Variants in PEMT observed in about 807,000 individuals in gnomAD.
PEMT encodes phosphatidylethanolamine N-methyltransferase, also known as phospholipid methyltransferase.
In PEMT, 23 loss-of-function variants were observed where a neutral mutation model predicts 27.4. The ratio of observed to expected loss-of-function variants is 0.84; its 90% confidence interval spans 0.60 to 1.19. The LOEUF (loss-of-function observed/expected upper bound fraction) is 1.19. Among genes scored for constraint, PEMT ranks in the 50% most tolerant of loss-of-function variants. PEMT has a pLI of 0.00. For missense variants in PEMT, 307 were observed against 310.1 expected (o/e 0.99, Z 0.07); for synonymous variants, 137 against 139.1 (o/e 0.98, Z 0.11).
At position 17,517,991 on chromosome 17, in the gene PEMT, T is replaced by A. The variant is rs920119248; in HGVS notation, c.320+4289A>T. 22 of 985,424 alleles carry A rather than the reference T, an allele frequency of 2.2e-5. No homozygotes were observed. The South Asian group carries it at 9.4e-4, about 42-fold the overall frequency. The allele number at this position is 985,424 out of a possible 1,614,324, so 61.0% of individuals were successfully genotyped here. ...GGGAATACCTCCAGGTTGAGGAAGA[T>A]TCCTGATCGACAGCCACACTCCGAG... is the stretch of plus-strand genomic sequence containing the variant. On this transcript the variant is annotated intron_variant, in intron 3 of 6. Coordinates refer to ENST00000255389, the MANE Select transcript of PEMT (RefSeq NM_148172.3).
At chr17:17,569,148 C>A (rs1056368691) in intron 2 of PEMT, among the ~76,000 whole-genome samples, 4 of 152,208 alleles carry the variant, frequency 2.6e-5, no homozygotes, top group African/African-American at 9.7e-5. Flanking sequence ...AAGTCCCCGG[C>A]CAGAGGGACA....
At position 17,584,195 on chromosome 17, in the gene PEMT, T is replaced by C. The variant is rs559878417; in HGVS notation, c.97-7168A>G. 1.4e-3 allele frequency among the ~76,000 whole-genome samples: 217 copies of C among 152,230 alleles called. 1 individual carries two copies. The highest frequency in any genetic ancestry group is 2.3e-3 in the Non-Finnish European group (158 of 68,002). On this transcript the variant is annotated intron_variant, in intron 1 of 6. Transcript: ENST00000255389. Reference sequence around the variant, plus strand: ...TTTTTTTTGAGATGGAGTCTCACTCTATCACCCAGGCTGGAGTACAGTGGC... The same window carrying C: ...TTTTTTTTGAGATGGAGTCTCACTCCATCACCCAGGCTGGAGTACAGTGGC...
rs574530200 is a variant in PEMT at position 17,559,241 on chromosome 17, G to A, written c.204+17679C>T. On this transcript the variant is annotated intron_variant, in intron 2 of 6. Coordinates refer to ENST00000255389, the MANE Select transcript of PEMT (RefSeq NM_148172.3). The stretch of plus-strand genomic sequence containing the variant: ...AGGACTTCAGAAAAGGGGACCCTGG[G>A]GAGGGCTGGAGGCAGTGGGGTCTGA... 2.0e-5 allele frequency among the ~76,000 whole-genome samples: 3 copies of A among 152,358 alleles called. No individual in the cohort carries two copies. In the South Asian group the frequency reaches 6.2e-4, roughly 32 times the overall value.
Position 17,512,511 on chromosome 17 carries a change from A to G in PEMT, c.464T>C (p.Leu155Pro). ...CACCCCAGCCCTCAGGGTCTTACCT[A>G]GGAAAGTTCCAGCGAACCCCAGTGC... Reference protein sequence around the residue: ...FFALGFAGTFLGDYFGILKEA... With the variant: ...FFALGFAGTFPGDYFGILKEA... Residue 155 changes from leucine to proline, a missense_variant and splice_region_variant, in exon 4 of 7, where the codon CTA becomes CCA. Leu to Pro is a moderately conservative substitution (Grantham distance 98). Transcript: ENST00000255389. The surrounding 1 kb of genome is among the most constrained non-coding windows in gnomAD (Gnocchi z 6.3). The G allele has an allele frequency of 6.3e-7, 1 of 1,596,604 alleles. No individual in the cohort carries two copies. The highest frequency in any genetic ancestry group is 8.5e-7 in the Non-Finnish European group (1 of 1,170,484).
In PEMT at chr17:17,512,707, G is replaced by A. The variant is rs1906513092; in HGVS notation, c.321-53C>T. On this transcript the variant is annotated intron_variant, in intron 3 of 6. Transcript: ENST00000255389. This position sits in a 1 kb window ranked among gnomAD's most constrained non-coding sequence, Gnocchi z 6.3. ...CGTCATGGCCAGGGAGGATGTCACAGCCCGGGAGGAGGCCGACCTCATCTT... is the reference window on the plus strand; with the variant it reads ...CGTCATGGCCAGGGAGGATGTCACAACCCGGGAGGAGGCCGACCTCATCTT... 4.2e-6 allele frequency: 6 copies of A among 1,441,062 alleles called. No homozygotes were observed. In the South Asian group the frequency reaches 9.1e-5, roughly 22 times the overall value. The allele number at this position is 1,441,062 out of a possible 1,614,324, so 89.3% of individuals were successfully genotyped here.
chr17:17,521,009 T>C (rs1177846654), intron 3 of PEMT, among the ~76,000 whole-genome samples: 1 of 152,236 alleles, frequency 6.6e-6, no homozygotes, highest in Non-Finnish European at 1.5e-5. Flanking sequence ...CGTGCTGGCA[T>C]GGAGCATTCG....
chr17:17,541,338 C>T (rs1474545590), intron 2 of PEMT, among the ~76,000 whole-genome samples: 2 of 151,654 alleles, frequency 1.3e-5, no homozygotes, highest in Non-Finnish European at 2.9e-5. Context: ...GCTCTTTCAG[C>T]TCCTCCAGCT....
At chr17:17,521,058 G>C (rs961279682) in intron 3 of PEMT, among the ~76,000 whole-genome samples, 12 of 152,256 alleles carry the variant, frequency 7.9e-5, no homozygotes, top group African/African-American at 2.4e-4. Context: ...CTGCAAGCCA[G>C]GCTGGTCCGA....
At chr17:17,532,075 A>G (rs1402984447) in intron 2 of PEMT, among the ~76,000 whole-genome samples, 1 of 152,212 alleles carries the variant, frequency 6.6e-6, no homozygotes, top group Non-Finnish European at 1.5e-5. Context: ...GAAAAACCCA[A>G]AGCTAACATC....
At chr17:17,580,765 A>G (rs1226133565) in intron 1 of PEMT, among the ~76,000 whole-genome samples, 1 of 150,958 alleles carries the variant, frequency 6.6e-6, no homozygotes, top group Non-Finnish European at 1.5e-5. Flanking sequence ...TCCCATTACC[A>G]ATCCTCCCGT....
chr17:17,526,455 G>A (rs576034014), intron 2 of PEMT, among the ~76,000 whole-genome samples: 14 of 152,312 alleles, frequency 9.2e-5, no homozygotes, highest in African/African-American at 2.2e-4. Flanking sequence ...CCCGATCCCC[G>A]GCCAGCGTGG....
At position 17,512,106 on chromosome 17, in the gene PEMT, G is replaced by A. The variant is rs968404389; in HGVS notation, c.466+403C>T. 1.1e-4 allele frequency among the ~76,000 whole-genome samples: 17 copies of A among 152,160 alleles called. No individual in the cohort carries two copies. Among genetic ancestry groups the A allele is most frequent in the African/African-American group, 2.4e-4 (10 of 41,432 alleles). ...ACGCGTGCCGGGAGCTGCCAGAGAG[G>A]TGGCTGACTCACCACCACCTCAGGC... is the stretch of plus-strand genomic sequence containing the variant. On this transcript the variant is annotated intron_variant, in intron 4 of 6. Coordinates refer to ENST00000255389, the MANE Select transcript of PEMT (RefSeq NM_148172.3). The surrounding 1 kb of genome is among the most constrained non-coding windows in gnomAD (Gnocchi z 6.3).
In PEMT at chr17:17,576,901, T is replaced by C. The variant is rs374580270; in HGVS notation, c.204+19A>G. The C allele has an allele frequency of 6.3e-7, 1 of 1,591,504 alleles. No individual in the cohort carries two copies. The highest frequency in any genetic ancestry group is 8.6e-7 in the Non-Finnish European group (1 of 1,159,602). ...CAGTGAGATACTCCCGTCTGGACAG[T>C]GTCAGGCACATCACTTACCACATTC... is the stretch of plus-strand genomic sequence containing the variant. On this transcript the variant is annotated intron_variant, in intron 2 of 6. Transcript: ENST00000255389.
intron 3 of PEMT, among the ~76,000 whole-genome samples, chr17:17,515,592 C>T (rs571516933): frequency 4.9e-4 from 74 of 152,304 alleles, no homozygotes; most frequent in Admixed American, 1.2e-3. Flanking sequence ...TGGCCCCTTA[C>T]CCAGTCAAAT....
At chr17:17,556,235 C>T (rs939830591) in intron 2 of PEMT, among the ~76,000 whole-genome samples, 22 of 152,242 alleles carry the variant, frequency 1.4e-4, no homozygotes, top group African/African-American at 5.3e-4. Context: ...TCAGAGCAGC[C>T]CTGCGAGGCA....
chr17:17,519,745 G>A (rs941543581), intron 3 of PEMT, among the ~76,000 whole-genome samples: 1 of 152,252 alleles, frequency 6.6e-6, no homozygotes, highest in Non-Finnish European at 1.5e-5. Flanking sequence ...AGGTGATGGG[G>A]AGGACTCAAG....
At chr17:17,589,488 T>A (rs1467231614) in intron 1 of PEMT, among the ~76,000 whole-genome samples, 2 of 152,204 alleles carry the variant, frequency 1.3e-5, no homozygotes, top group Non-Finnish European at 2.9e-5. Context: ...GTCAAAATTA[T>A]TTTTCTATTT....
chr17:17,567,136 C>T (rs1002257245), intron 2 of PEMT, among the ~76,000 whole-genome samples: 14 of 152,236 alleles, frequency 9.2e-5, no homozygotes, highest in African/African-American at 3.1e-4. Flanking sequence ...GAGGAACCTA[C>T]AGGGAGGGAT....
chr17:17,586,829 C>T (rs527831512), intron 1 of PEMT, among the ~76,000 whole-genome samples: 12 of 152,014 alleles, frequency 7.9e-5, no homozygotes, highest in Non-Finnish European at 1.8e-4. Context: ...ATGGTGAAAC[C>T]CCATCTCTAC....
Sources: allele counts gnomAD v4.1 joint callset (sites outside exome capture counted in the v4.1 genomes callset), GRCh38; gene constraint gnomAD v4.1.1; non-coding constraint Gnocchi (gnomAD v3.1); transcripts MANE v1.5; gene names NCBI Gene and HGNC (gene_info 2026-07-23, HGNC 2026-07-21).